NRG3: variants seen among roughly 807,000 people sequenced by gnomAD.
NRG3 encodes the protein neuregulin 3.
Under a neutral mutation model 66.9 loss-of-function variants are expected in NRG3, and 31 were observed. That is an observed-to-expected ratio of 0.46 (90% confidence interval 0.35 to 0.63). The LOEUF (loss-of-function observed/expected upper bound fraction) is 0.63. Among genes scored for constraint, NRG3 ranks in the 20% least tolerant of loss-of-function variants. The pLI, the probability that NRG3 is intolerant of heterozygous loss-of-function variation, is 0.00. For missense variants in NRG3, 910 were observed against 878.9 expected (o/e 1.04, Z -0.45); for synonymous variants, 393 against 359.4 (o/e 1.09, Z -1.06).
At chr10:81,888,694 C>T (rs776954660) in intron 1 of NRG3, among the ~76,000 whole-genome samples, 1 of 152,068 alleles carries the variant, frequency 6.6e-6, no homozygotes, top group Non-Finnish European at 1.5e-5. Flanking sequence ...GGGTTCTGAC[C>T]TGGTAGACAG....
At chr10:81,991,627 T>A (rs1589709242) in intron 1 of NRG3, among the ~76,000 whole-genome samples, 2 of 152,198 alleles carry the variant, frequency 1.3e-5, no homozygotes, top group East Asian at 3.8e-4. Flanking sequence ...AAAAGCCTAT[T>A]TACCAGTTCT....
intron 2 of NRG3, among the ~76,000 whole-genome samples, chr10:82,448,894 A>C (rs1313405254): frequency 6.6e-6 from 1 of 152,168 alleles, no homozygotes; most frequent in Non-Finnish European, 1.5e-5. Flanking sequence ...AAGTAACTGA[A>C]AACTCTATTA....
At chr10:82,016,239 G>C (rs2061781004) in intron 1 of NRG3, among the ~76,000 whole-genome samples, 1 of 152,010 alleles carries the variant, frequency 6.6e-6, no homozygotes, top group Non-Finnish European at 1.5e-5. Context: ...TTTAATGGAA[G>C]CCCATAGAAT....
intron 3 of NRG3, among the ~76,000 whole-genome samples, chr10:82,738,856 C>T (rs961333688): frequency 1.4e-4 from 21 of 152,252 alleles, no homozygotes; most frequent in African/African-American, 4.6e-4. Context: ...GCCTGGCTTC[C>T]GGATTCCACC....
At chr10:82,297,920 T>C (rs1381300050) in intron 1 of NRG3, among the ~76,000 whole-genome samples, 1 of 152,056 alleles carries the variant, frequency 6.6e-6, no homozygotes, top group Non-Finnish European at 1.5e-5. Flanking sequence ...GACAGGCGAA[T>C]TGCTTGAGCT....
At chr10:82,058,754 A>T (rs1016800484) in intron 1 of NRG3, among the ~76,000 whole-genome samples, 2 of 152,152 alleles carry the variant, frequency 1.3e-5, no homozygotes. Context: ...GAGAACAAAA[A>T]TGAAAAAGTT....
At chr10:81,947,913 T>C (rs1288955537) in intron 1 of NRG3, among the ~76,000 whole-genome samples, 5 of 152,070 alleles carry the variant, frequency 3.3e-5, no homozygotes, top group Admixed American at 3.3e-4. Context: ...GGATTGATAA[T>C]ATTAAGAAGT....
At chr10:82,899,908 T>G (rs1443571127) in intron 4 of NRG3, among the ~76,000 whole-genome samples, 1 of 152,212 alleles carries the variant, frequency 6.6e-6, no homozygotes, top group Admixed American at 6.5e-5. Flanking sequence ...GATATTGCAC[T>G]AGTTTGTTTT....
At chr10:82,293,499 A>G (rs1480070361) in intron 1 of NRG3, among the ~76,000 whole-genome samples, 1 of 152,188 alleles carries the variant, frequency 6.6e-6, no homozygotes, top group African/African-American at 2.4e-5. Context: ...TTAGTCAAAG[A>G]ATGATAAAAT....
At chr10:82,619,108 AT>A (rs966175837) in intron 2 of NRG3, among the ~76,000 whole-genome samples, 3 of 152,062 alleles carry the variant, frequency 2.0e-5, no homozygotes, top group African/African-American at 2.4e-5. Flanking sequence ...TATTACTGCC[AT>A]TTTTTTCCAT....
chr10:81,909,026 C>T (rs1455044842), intron 1 of NRG3, among the ~76,000 whole-genome samples: 1 of 152,058 alleles, frequency 6.6e-6, no homozygotes, highest in Non-Finnish European at 1.5e-5. Flanking sequence ...TCTCATAGGA[C>T]CTGAGGCTAC....
chr10:82,850,026 C>A (rs1410321211), intron 3 of NRG3, among the ~76,000 whole-genome samples: 1 of 152,080 alleles, frequency 6.6e-6, no homozygotes, highest in African/African-American at 2.4e-5. Flanking sequence ...GTAAAACCAT[C>A]CAGGTGAGAG....
At chr10:82,855,733 G>T (rs928396990) in intron 3 of NRG3, among the ~76,000 whole-genome samples, 1 of 151,530 alleles carries the variant, frequency 6.6e-6, no homozygotes, top group African/African-American at 2.4e-5. Flanking sequence ...GATTGAAGCT[G>T]AAAAGATAGG....
chr10:82,777,834 T>C lies in NRG3; in HGVS notation c.1027+39184T>C, dbSNP rs530002692. 1.2e-4 allele frequency among the ~76,000 whole-genome samples: 18 copies of C among 152,240 alleles called. No individual in the cohort carries two copies. In the East Asian group the frequency reaches 1.4e-3, roughly 11 times the overall value. The stretch of plus-strand genomic sequence containing the variant: ...GCAAGGTTGGCTGCATCAGCAGCAA[T>C]AACCCAGGAATGTTGGGGCACGGCT... On this transcript the variant is annotated intron_variant, in intron 3 of 8. Transcript: ENST00000372141.
chr10:82,036,470 C>T (rs10884067), intron 1 of NRG3, among the ~76,000 whole-genome samples: 33,328 of 152,020 alleles, frequency 0.22, 3,743 homozygotes, highest in Middle Eastern at 0.26. Flanking sequence ...ATAACTTCCT[C>T]GTTGTAAGGG....
intron 2 of NRG3, among the ~76,000 whole-genome samples, chr10:82,361,349 C>T (rs540371278): frequency 6.6e-6 from 1 of 152,256 alleles, no homozygotes; most frequent in Admixed American, 6.5e-5. Context: ...AATTGGAACT[C>T]GAGTAGGTTA....
chr10:82,146,811 T>G (rs942877546), intron 1 of NRG3, among the ~76,000 whole-genome samples: 2 of 152,152 alleles, frequency 1.3e-5, no homozygotes, highest in Non-Finnish European at 2.9e-5. Flanking sequence ...TCTTTTTGTC[T>G]CCATCACAGA....
intron 2 of NRG3, among the ~76,000 whole-genome samples, chr10:82,720,378 CAA>C (rs557868911): frequency 1.4e-5 from 2 of 140,454 alleles, no homozygotes; most frequent in African/African-American, 5.2e-5. Context: ...TGACTGGTCT[CAA>C]AAAAAAAACA....
At chr10:82,824,718 A>G (rs1174593067) in intron 3 of NRG3, among the ~76,000 whole-genome samples, 1 of 143,534 alleles carries the variant, frequency 7.0e-6, no homozygotes, top group African/African-American at 2.6e-5. Flanking sequence ...AATTATAGAC[A>G]CTTTTTTTTT....
Sources: allele counts gnomAD v4.1 joint callset (sites outside exome capture counted in the v4.1 genomes callset), GRCh38; gene constraint gnomAD v4.1.1; transcripts MANE v1.5; gene names NCBI Gene and HGNC (gene_info 2026-07-23, HGNC 2026-07-21).